Variants in ADGRV1 observed in about 807,000 individuals in gnomAD.
ADGRV1 encodes adhesion G protein-coupled receptor V1.
In ADGRV1, 359 loss-of-function variants were observed where a neutral mutation model predicts 596.2. The observed-to-expected ratio is 0.60, with a 90% CI of 0.55 to 0.66. ADGRV1 has a LOEUF of 0.66. Among genes scored for constraint, ADGRV1 ranks in the 30% least tolerant of loss-of-function variants. ADGRV1 has a pLI of 0.00. For synonymous variants in ADGRV1, 2,681 were observed against 2,679.2 expected, an observed-to-expected ratio of 1.00 and a Z score of -0.02; for missense variants, 7,274 against 7,575.6, an observed-to-expected ratio of 0.96 and a Z score of 1.48.
At chr5:91,041,920 A>T (rs1247939572) in intron 85 of ADGRV1, among the ~76,000 whole-genome samples, 1 of 152,174 alleles carries the variant, frequency 6.6e-6, no homozygotes, top group South Asian at 2.1e-4. Context: ...CCTTATCTAT[A>T]TTTAAGGAAA....
At chr5:90,771,430 G>A (rs568154602) in intron 59 of ADGRV1, among the ~76,000 whole-genome samples, 1 of 152,070 alleles carries the variant, frequency 6.6e-6, no homozygotes, top group Non-Finnish European at 1.5e-5. Context: ...CTAAACAAAG[G>A]CTCTGAGTAT....
intron 15 of ADGRV1, among the ~76,000 whole-genome samples, chr5:90,645,377 C>T (rs1052246391): frequency 1.3e-5 from 2 of 152,084 alleles, no homozygotes; most frequent in Admixed American, 6.6e-5. Context: ...AGACAAAATT[C>T]GAATACCTTT....
chr5:90,971,376 G>A (rs1053965341), intron 84 of ADGRV1, among the ~76,000 whole-genome samples: 1 of 152,138 alleles, frequency 6.6e-6, no homozygotes, highest in Non-Finnish European at 1.5e-5. Flanking sequence ...CTCGAGAAAA[G>A]CAACTCGAAG....
intron 85 of ADGRV1, among the ~76,000 whole-genome samples, chr5:91,021,908 C>T (rs995253230): frequency 5.3e-5 from 8 of 152,076 alleles, no homozygotes; most frequent in East Asian, 3.9e-4. Context: ...GATATACATC[C>T]GAGAAACAGC....
chr5:90,600,612 C>T (rs1004556603), intron 1 of ADGRV1, among the ~76,000 whole-genome samples: 6 of 152,162 alleles, frequency 3.9e-5, no homozygotes, highest in African/African-American at 1.2e-4. Context: ...CAGCAATAAA[C>T]GTACATGTGC....
At chr5:91,005,364 G>GTA (rs200387484) in intron 85 of ADGRV1, among the ~76,000 whole-genome samples, 154 of 146,242 alleles carry the variant, frequency 1.1e-3, no homozygotes, top group African/African-American at 3.4e-3. Flanking sequence ...CTATTGCTGT[G>GTA]TATATATATA....
At chr5:90,951,768 C>T (rs991718306) in intron 83 of ADGRV1, among the ~76,000 whole-genome samples, 1 of 152,096 alleles carries the variant, frequency 6.6e-6, no homozygotes, top group Non-Finnish European at 1.5e-5. Context: ...AGATCTTAGC[C>T]AATATGCTCA....
intron 11 of ADGRV1, among the ~76,000 whole-genome samples, chr5:90,639,576 G>C (rs1333619550): frequency 2.0e-5 from 3 of 152,048 alleles, no homozygotes; most frequent in Non-Finnish European, 4.4e-5. Flanking sequence ...AAGTACATAA[G>C]GAAGTACAAA....
chr5:90,732,434 T>TTTGAG (rs1752672280), intron 50 of ADGRV1, among the ~76,000 whole-genome samples: 1 of 152,196 alleles, frequency 6.6e-6, no homozygotes, highest in Non-Finnish European at 1.5e-5. Context: ...AATTAACCCA[T>TTTGAG]CCATTACCTC....
chr5:90,761,421 CTT>C (rs1238258531), intron 58 of ADGRV1, among the ~76,000 whole-genome samples: 5 of 152,162 alleles, frequency 3.3e-5, no homozygotes, highest in Non-Finnish European at 4.4e-5. Context: ...TAAAATGTCT[CTT>C]AGCTTATAAG....
At chr5:90,806,914 G>A (rs1007076760) in intron 72 of ADGRV1, among the ~76,000 whole-genome samples, 4 of 151,392 alleles carry the variant, frequency 2.6e-5, no homozygotes, top group East Asian at 1.9e-4. Flanking sequence ...ATGCAGTGGC[G>A]CCATCTCAAC....
intron 75 of ADGRV1, among the ~76,000 whole-genome samples, chr5:90,818,672 T>G (rs2150270786): frequency 6.7e-6 from 1 of 149,662 alleles, no homozygotes; most frequent in East Asian, 2.0e-4. Context: ...ATTGAGATAA[T>G]CATGTGGTTT....
intron 83 of ADGRV1, among the ~76,000 whole-genome samples, chr5:90,891,187 A>C (rs1770785704): frequency 6.8e-6 from 1 of 147,882 alleles, no homozygotes; most frequent in Admixed American, 6.8e-5. Flanking sequence ...AATATATATT[A>C]TTTATATATA....
intron 83 of ADGRV1, among the ~76,000 whole-genome samples, chr5:90,918,405 T>C (rs1425754688): frequency 6.6e-6 from 1 of 152,226 alleles, no homozygotes. Flanking sequence ...TTATTAGGTT[T>C]CAATGTTCGG....
chr5:90,706,243 T>C lies in ADGRV1; in HGVS notation c.8579T>C (p.Val2860Ala), dbSNP rs794727605. The change falls in exon 38 of 90, where the codon GTC (valine) becomes GCC (alanine). Residue 2860 changes from valine to alanine, a missense_variant. Physicochemically the swap from Val to Ala is moderately conservative, Grantham distance 64. Transcript: ENST00000405460. Reference protein sequence around the residue: ...REFGSLGAINVTYTTVPGMLS... With the variant: ...REFGSLGAINATYTTVPGMLS... ...CCTATTCAATTAGGAGCTATCAATG[T>C]CACATATACCACGGTTCCTGGAATG... The C allele has an allele frequency of 1.2e-6, 2 of 1,607,762 alleles. No homozygotes were observed. Among genetic ancestry groups the C allele is most frequent in the Non-Finnish European group, 1.7e-6 (2 of 1,178,062 alleles).
intron 87 of ADGRV1, among the ~76,000 whole-genome samples, chr5:91,120,797 A>T (rs951409080): frequency 6.6e-6 from 1 of 152,196 alleles, no homozygotes; most frequent in African/African-American, 2.4e-5. Context: ...GTCAGGCCAG[A>T]ACCTCTTTAG....
Position 90,675,250 on chromosome 5 carries a change from G to T in ADGRV1, c.5118G>T (p.Leu1706=). 1 of 1,612,948 alleles carries T rather than the reference G, an allele frequency of 6.2e-7. No individual in the cohort carries two copies. Among genetic ancestry groups the T allele is most frequent in the Non-Finnish European group, 8.5e-7 (1 of 1,179,648 alleles). The change falls in exon 24 of 90, where the codon CTG becomes CTT. Residue 1706 remains leucine (L), a synonymous_variant. Coordinates refer to ENST00000405460, the MANE Select transcript of ADGRV1 (RefSeq NM_032119.4). ...IKASDHPYGL[L]QFSTGLPPQP... ...CCCCTTTGTCTCCACTAGGCTTGCT[G>T]CAGTTCTCCACAGGGCTGCCTCCTC...
intron 83 of ADGRV1, among the ~76,000 whole-genome samples, chr5:90,930,071 C>G (rs1220672653): frequency 6.6e-6 from 1 of 152,154 alleles, no homozygotes; most frequent in Non-Finnish European, 1.5e-5. Flanking sequence ...GACCACTAAA[C>G]ATCTTCTTTT....
At chr5:90,746,414 G>C (rs1754634829) in intron 52 of ADGRV1, among the ~76,000 whole-genome samples, 1 of 152,086 alleles carries the variant, frequency 6.6e-6, no homozygotes, top group Non-Finnish European at 1.5e-5. Context: ...TAGTCCTTTT[G>C]GTAAAGTGAA....
Sources: gnomAD v4.1 joint callset for allele counts (sites outside exome capture counted in the v4.1 genomes callset) on GRCh38, gnomAD v4.1.1 for gene constraint, MANE v1.5 for transcripts, NCBI Gene and HGNC (gene_info 2026-07-23, HGNC 2026-07-21) for gene names.